The following BCAS3 variants were observed in gnomAD, a reference collection of about 807,000 sequenced individuals.
BCAS3 encodes BCAS4/BCAS3 fusion.
A neutral mutation model predicts 116.1 loss-of-function variants in BCAS3; 53 were observed. The ratio of observed to expected loss-of-function variants is 0.46; its 90% CI spans 0.37 to 0.57. BCAS3 has a LOEUF of 0.57. Among genes scored for constraint, BCAS3 ranks in the 20% least tolerant of loss-of-function variants. BCAS3 has a pLI of 0.00. For missense variants in BCAS3, 917 were observed against 1,165.4 expected (o/e 0.79, Z 3.10); for synonymous variants, 391 against 408.2 (o/e 0.96, Z 0.51).
intron 5 of BCAS3, among the ~76,000 whole-genome samples, chr17:60,718,042 G>A (rs1196217157): frequency 6.6e-6 from 1 of 152,118 alleles, no homozygotes; most frequent in Non-Finnish European, 1.5e-5. Context: ...GGGTTCGCGC[G>A]CCTATGATAA....
At chr17:60,751,860 A>G (rs1437295879) in intron 6 of BCAS3, among the ~76,000 whole-genome samples, 2 of 152,128 alleles carry the variant, frequency 1.3e-5, no homozygotes, top group Non-Finnish European at 2.9e-5. Flanking sequence ...AATTTCTTAA[A>G]GTAAGGACCA....
intron 11 of BCAS3, among the ~76,000 whole-genome samples, chr17:60,905,785 T>C (rs56820641): frequency 0.05 from 7,643 of 152,098 alleles, 613 homozygotes; most frequent in African/African-American, 0.17. Context: ...GGTTTCAGGA[T>C]TGGGGCGAGA....
At chr17:60,777,367 G>A (rs1162285733) in intron 6 of BCAS3, among the ~76,000 whole-genome samples, 1 of 152,180 alleles carries the variant, frequency 6.6e-6, no homozygotes, top group East Asian at 1.9e-4. Context: ...CCTCATGCCT[G>A]TAATCCCAGC....
At chr17:61,058,144 T>C (rs1230208842) in intron 19 of BCAS3, among the ~76,000 whole-genome samples, 1 of 152,204 alleles carries the variant, frequency 6.6e-6, no homozygotes, top group Admixed American at 6.5e-5. Flanking sequence ...TTTTTCTTAC[T>C]GAAAGTAACC....
intron 14 of BCAS3, among the ~76,000 whole-genome samples, chr17:60,954,126 C>T (rs903760026): frequency 6.6e-6 from 1 of 152,078 alleles, no homozygotes; most frequent in East Asian, 1.9e-4. Flanking sequence ...GGAGTCCTTT[C>T]CCCATTGCTT....
At chr17:61,202,367 C>T (rs143548686) in intron 22 of BCAS3, among the ~76,000 whole-genome samples, 2 of 152,004 alleles carry the variant, frequency 1.3e-5, no homozygotes, top group African/African-American at 4.8e-5. Flanking sequence ...TCTATCACAG[C>T]GAATAAGGTT....
chr17:60,940,240 G>A (rs1026364274), intron 13 of BCAS3, among the ~76,000 whole-genome samples: 1 of 152,102 alleles, frequency 6.6e-6, no homozygotes, highest in African/African-American at 2.4e-5. Flanking sequence ...TGCAACTTTT[G>A]TAAGGGATCA....
chr17:60,898,577 A>G (rs778882340), intron 10 of BCAS3, among the ~76,000 whole-genome samples: 6 of 152,092 alleles, frequency 3.9e-5, no homozygotes, highest in Non-Finnish European at 5.9e-5. Flanking sequence ...GGTCATCAGT[A>G]TGCAGTGGTG....
At chr17:60,808,269 A>G (rs1485465213) in intron 7 of BCAS3, among the ~76,000 whole-genome samples, 193 bp downstream of exon 7, 1 of 152,214 alleles carries the variant, frequency 6.6e-6, no homozygotes. Context: ...TGTGCCTGAC[A>G]CTGTTCTAAA....
intron 7 of BCAS3, among the ~76,000 whole-genome samples, chr17:60,841,321 C>T (rs75635186): frequency 0.22 from 33,140 of 151,374 alleles, 4,682 homozygotes; most frequent in African/African-American, 0.41. Context: ...GGGTTATCTA[C>T]TGGTATATAA....
At chr17:60,843,539 AG>A in intron 7 of BCAS3, among the ~76,000 whole-genome samples, 1 of 152,022 alleles carries the variant, frequency 6.6e-6, no homozygotes, top group East Asian at 1.9e-4. Flanking sequence ...GTTGAAGTTA[AG>A]AATATATCCC....
In BCAS3 at chr17:61,130,161, C is replaced by T. The variant is rs915647677; in HGVS notation, c.2425+45597C>T. Among the ~76,000 whole-genome samples, 2 of 152,242 alleles carry T rather than the reference C, an allele frequency of 1.3e-5. No homozygotes were observed. Among genetic ancestry groups the T allele is most frequent in the Admixed American group, 1.3e-4 (2 of 15,286 alleles). On this transcript the variant is annotated intron_variant, in intron 22 of 23. Transcript: ENST00000407086. This position sits in a 1 kb window ranked among gnomAD's most constrained non-coding sequence, Gnocchi z 5.0. The stretch of plus-strand genomic sequence containing the variant: ...ATTTGGTGGACAGCTAAAAGACCCA[C>T]TTTCACCTTAACTGAGTTTATGTGA...
intron 2 of BCAS3, 25 bp from the exon 3 acceptor site, chr17:60,683,957 T>C: frequency 1.9e-6 from 3 of 1,601,544 alleles, no homozygotes; most frequent in Non-Finnish European, 2.6e-6. Context: ...TCCTGACCAG[T>C]GTTGTCCATT....
chr17:60,986,666 T>C (rs547580416), intron 14 of BCAS3, among the ~76,000 whole-genome samples: 8 of 152,330 alleles, frequency 5.3e-5, no homozygotes, highest in South Asian at 4.1e-4. Context: ...TTCATATCTT[T>C]TGCCCATTTT....
chr17:60,976,391 G>A (rs2062371768), intron 14 of BCAS3, among the ~76,000 whole-genome samples: 1 of 149,010 alleles, frequency 6.7e-6, no homozygotes, highest in South Asian at 2.1e-4. Flanking sequence ...AAAATGCTGG[G>A]TCATATGGTA....
rs73993467 is a variant in BCAS3, at chr17:61,349,298, C to T, written c.2426-19029C>T. 0.028 allele frequency among the ~76,000 whole-genome samples: 4,292 copies of T among 152,236 alleles called. 211 individuals carry two copies. The highest frequency in any genetic ancestry group is 0.099 in the African/African-American group (4,102 of 41,522). ...ATCACACCCCCACTCTCCCACCCTA[C>T]ACCCTAATACCCTCCAACCTAAAGT... On this transcript the variant is annotated intron_variant, in intron 22 of 23. Coordinates refer to ENST00000407086, the MANE Select transcript of BCAS3 (RefSeq NM_017679.5). This position sits in a 1 kb window ranked among gnomAD's most constrained non-coding sequence, Gnocchi z 4.7.
rs769436887 is a variant in BCAS3, at chr17:61,392,070, C to T, written c.2687C>T (p.Pro896Leu). The change falls in exon 24 of 24, where the codon CCG becomes CTG. Residue 896 changes from proline to leucine, a missense_variant. Around this residue, in one of 3 missense-constraint regions of BCAS3, gnomAD observed 109 missense variants for 122.8 expected, o/e 0.89. Coordinates refer to ENST00000407086, the MANE Select transcript of BCAS3 (RefSeq NM_017679.5). This position sits in a 1 kb window ranked among gnomAD's most constrained non-coding sequence, Gnocchi z 6.4. ...AGAAACTTTGATGGCTACCGATCTC[C>T]GCTGCCCACCAATGAGAGCCAGCCC... Reference protein sequence around the residue: ...IPRNFDGYRSPLPTNESQPLS... With the variant: ...IPRNFDGYRSLLPTNESQPLS... 1.2e-5 allele frequency: 20 copies of T among 1,613,680 alleles called. No homozygotes were observed. The highest frequency in any genetic ancestry group is 8.9e-5 in the East Asian group (4 of 44,876).
At chr17:61,064,480 G>A (rs1293911042) in intron 19 of BCAS3, among the ~76,000 whole-genome samples, 7 of 152,258 alleles carry the variant, frequency 4.6e-5, no homozygotes, top group African/African-American at 1.7e-4. Flanking sequence ...CTCTCCAGGG[G>A]TAATTTGTCC....
At position 61,244,357 on chromosome 17, in the gene BCAS3, C is replaced by G. The variant is rs985885828; in HGVS notation, c.2426-123970C>G. On this transcript the variant is annotated intron_variant, in intron 22 of 23. Transcript: ENST00000407086. The surrounding 1 kb of genome is among the most constrained non-coding windows in gnomAD (Gnocchi z 4.9). ...TTTACCATTAGGTAATGAGTCTTACCTGTCCAGTAATGAATGTGTTTTCCT... is the reference window on the plus strand; with the variant it reads ...TTTACCATTAGGTAATGAGTCTTACGTGTCCAGTAATGAATGTGTTTTCCT... Among the ~76,000 whole-genome samples, 1 of 152,084 alleles carries G rather than the reference C, an allele frequency of 6.6e-6. No homozygotes were observed. The highest frequency in any genetic ancestry group is 1.5e-5 in the Non-Finnish European group (1 of 68,026).
Sources: allele counts gnomAD v4.1 joint callset (sites outside exome capture counted in the v4.1 genomes callset), GRCh38; gene constraint gnomAD v4.1.1; regional missense constraint gnomAD v4.1.1; non-coding constraint Gnocchi (gnomAD v3.1); transcripts MANE v1.5; gene names NCBI Gene and HGNC (gene_info 2026-07-23, HGNC 2026-07-21).